CDC42BPB: variants seen among roughly 807,000 people sequenced by gnomAD.
CDC42BPB encodes serine/threonine-protein kinase MRCK beta.
In CDC42BPB, 37 loss-of-function variants were observed where a neutral mutation model predicts 214.9. The observed-to-expected ratio is 0.17, with a 90% CI of 0.13 to 0.23. The LOEUF (loss-of-function observed/expected upper bound fraction) is 0.23. Among genes scored for constraint, CDC42BPB ranks in the 10% least tolerant of loss-of-function variants. The probability of loss-of-function intolerance (pLI) is 1.00; values close to 1 mark genes in which losing one functional copy is unlikely to be tolerated. For missense variants in CDC42BPB, 1,694 were observed against 2,227.0 expected, an observed-to-expected ratio of 0.76 and a Z score of 4.82; for synonymous variants, 931 against 884.0, an observed-to-expected ratio of 1.05 and a Z score of -0.94.
At chr14:103,015,382 G>A (rs2139652801) in intron 1 of CDC42BPB, among the ~76,000 whole-genome samples, 1 of 152,220 alleles carries the variant, frequency 6.6e-6, no homozygotes, top group East Asian at 1.9e-4. Flanking sequence ...AGCTACTCAG[G>A]AGGCTGAGGC....
intron 1 of CDC42BPB, among the ~76,000 whole-genome samples, chr14:103,039,359 T>C (rs1410083660): frequency 6.9e-6 from 1 of 145,900 alleles, no homozygotes; most frequent in African/African-American, 2.5e-5. Flanking sequence ...TATGAATAGA[T>C]GCCAAAATCT....
chr14:103,026,929 C>T (rs1721184468), intron 1 of CDC42BPB, among the ~76,000 whole-genome samples: 1 of 151,180 alleles, frequency 6.6e-6, no homozygotes, highest in South Asian at 2.1e-4. Context: ...TCTGAAATCA[C>T]ATATCTGATA....
rs373876341 is a variant in CDC42BPB at position 102,945,646 on chromosome 14, C to A, written c.3811+16G>T. 1.2e-6 allele frequency: 2 copies of A among 1,611,168 alleles called. No homozygotes were observed. Among genetic ancestry groups the A allele is most frequent in the Non-Finnish European group, 8.5e-7 (1 of 1,178,578 alleles). ...GGCCTGTGACATCCCAGGCTGGAAA[C>A]GCCCTGCTCACTCACCATCTCGGGT... On this transcript the variant is annotated intron_variant, in intron 29 of 36. Transcript: ENST00000361246.
At position 102,975,887 on chromosome 14, in the gene CDC42BPB, C is replaced by T; in HGVS notation, c.1383G>A (p.Leu461=). The part of the protein sequence containing the change: ...EQEKLELSRK[L]QESTQTVQSL... ...CGGAGCCGGCGCTGCCCTCACCTTG[C>T]AGCTTCCTGCTCAGCTCCAGCTTCT... Residue 461 remains leucine (L), a synonymous_variant, in exon 10 of 37, where the codon CTG becomes CTA. Transcript: ENST00000361246. 5.0e-6 allele frequency: 8 copies of T among 1,614,152 alleles called. No individual in the cohort carries two copies. The highest frequency in any genetic ancestry group is 6.8e-6 in the Non-Finnish European group (8 of 1,180,014).
chr14:102,955,116 TAGCAGCCTTAAGATCAATTAGCCAGGCC>T (rs1892655864), intron 21 of CDC42BPB, among the ~76,000 whole-genome samples: 1 of 152,174 alleles, frequency 6.6e-6, no homozygotes, highest in Non-Finnish European at 1.5e-5. Flanking sequence ...TATCTAAGCC[TAGCAGCCTTAAGATCAATTAGCCAGGCC>T]AGGCACGGTG....
chr14:102,961,386 G>A (rs1892952652), intron 20 of CDC42BPB, among the ~76,000 whole-genome samples: 2 of 151,664 alleles, frequency 1.3e-5, no homozygotes. Flanking sequence ...CCAGGCTGGA[G>A]TGCAGTGGCG....
At chr14:103,016,479 G>GAGGGGAGGGAACCAGGTA (rs1566905508) in intron 1 of CDC42BPB, among the ~76,000 whole-genome samples, 1 of 146,610 alleles carries the variant, frequency 6.8e-6, no homozygotes, top group Non-Finnish European at 1.5e-5. Flanking sequence ...TGAAGCAGGT[G>GAGGGGAGGGAACCAGGTA]AGGGGAGGGA....
chr14:102,993,414 C>T (rs1402918033), intron 5 of CDC42BPB, among the ~76,000 whole-genome samples: 1 of 152,192 alleles, frequency 6.6e-6, no homozygotes, highest in African/African-American at 2.4e-5. Context: ...CGTCTATTAA[C>T]AGCACTTTTG....
At chr14:103,007,895 G>A (rs548775714) in intron 3 of CDC42BPB, among the ~76,000 whole-genome samples, 30 of 152,320 alleles carry the variant, frequency 2.0e-4, no homozygotes, top group Non-Finnish European at 4.1e-4. Flanking sequence ...GGCCAGAGAG[G>A]AAAAGCGTGG....
rs1157623182 is a variant in CDC42BPB, at chr14:102,938,330, G to A, written c.4909C>T (p.Pro1637Ser). The A allele has an allele frequency of 5.6e-6, 9 of 1,606,714 alleles. No homozygotes were observed. Among genetic ancestry groups the A allele is most frequent in the East Asian group, 2.2e-5 (1 of 44,766 alleles). The change falls in exon 35 of 37, where the codon CCC becomes TCC. Residue 1637 changes from proline to serine, a missense_variant. By Grantham distance (74) the Pro-to-Ser change is moderately conservative. Coordinates refer to ENST00000361246, the MANE Select transcript of CDC42BPB (RefSeq NM_006035.4). ...LARQPPSRNKPYISWPSSGGS... is the reference protein window; with the variant it reads ...LARQPPSRNKSYISWPSSGGS... The stretch of plus-strand genomic sequence containing the variant: ...CCTGATGAGGGCCACGAGATGTAGG[G>A]CTTGTTCCTGGATGGAGGCTGGCGA...
chr14:103,036,158 T>C (rs899651787), intron 1 of CDC42BPB, among the ~76,000 whole-genome samples: 23 of 149,786 alleles, frequency 1.5e-4, no homozygotes, highest in Admixed American at 1.5e-3. Flanking sequence ...ATATTCTTTT[T>C]TTTTTTTTTT....
At chr14:102,974,647 A>G (rs1233654309) in intron 11 of CDC42BPB, among the ~76,000 whole-genome samples, 1 of 152,224 alleles carries the variant, frequency 6.6e-6, no homozygotes, top group African/African-American at 2.4e-5. Context: ...AACCTGTGTG[A>G]GGTTAAGGCT....
chr14:102,983,709 C>T lies in CDC42BPB; in HGVS notation c.738G>A (p.Glu246=). 6.2e-7 allele frequency: 1 copy of T among 1,613,872 alleles called. No homozygotes were observed. Residue 246 remains glutamate (E), a synonymous_variant, in exon 7 of 37, where the codon GAG becomes GAA. Transcript: ENST00000361246. ...AVGTPDYISP[E]ILQAMEDGMG... is the part of the protein sequence containing the mutation. ...TGCCGTCCTCCATCGCCTGCAGGATCTCCGGCGAGATGTAGTCAGGTGTGC... is the reference window on the plus strand; with the variant it reads ...TGCCGTCCTCCATCGCCTGCAGGATTTCCGGCGAGATGTAGTCAGGTGTGC...
At chr14:102,977,345 A>AC (rs1893798811) in intron 9 of CDC42BPB, among the ~76,000 whole-genome samples, 1 of 148,614 alleles carries the variant, frequency 6.7e-6, no homozygotes, top group South Asian at 2.1e-4. Flanking sequence ...TCTCCAAAAA[A>AC]AAAAAAAAAA....
intron 5 of CDC42BPB, among the ~76,000 whole-genome samples, chr14:102,999,237 C>T (rs34337051): frequency 6.7e-4 from 86 of 128,896 alleles, no homozygotes; most frequent in Non-Finnish European, 1.3e-3. Flanking sequence ...CAGAGGACCC[C>T]GGGGCCCACG....
chr14:103,039,017 G>C (rs1566921043), intron 1 of CDC42BPB, among the ~76,000 whole-genome samples: 1 of 152,138 alleles, frequency 6.6e-6, no homozygotes, highest in East Asian at 1.9e-4. Context: ...CAACAAATTA[G>C]ATAATCTAGG....
rs115939905 is a variant in CDC42BPB at position 103,051,993 on chromosome 14, C to T, written c.175+5006G>A. 7.8e-4 allele frequency among the ~76,000 whole-genome samples: 119 copies of T among 152,246 alleles called. 1 individual carries two copies. The highest frequency in any genetic ancestry group is 2.8e-3 in the African/African-American group (116 of 41,542). ...CCCAAGTAGGTGGGACTATGCGTGC[C>T]ACCACACCCGGCTAATTTTTGTATT... On this transcript the variant is annotated intron_variant, in intron 1 of 36. Coordinates refer to ENST00000361246, the MANE Select transcript of CDC42BPB (RefSeq NM_006035.4).
chr14:102,945,061 C>T (rs1306708715), intron 29 of CDC42BPB: 7 of 331,734 alleles, frequency 2.1e-5, no homozygotes, highest in Non-Finnish European at 4.2e-5. Flanking sequence ...TTGCTCAGAT[C>T]TCCCCACAGA....
chr14:103,002,003 G>A (rs1895009390), intron 4 of CDC42BPB, among the ~76,000 whole-genome samples: 1 of 152,246 alleles, frequency 6.6e-6, no homozygotes, highest in Non-Finnish European at 1.5e-5. Flanking sequence ...AACGCGGGGT[G>A]CTGAGTTAAG....
Sources: allele counts gnomAD v4.1 joint callset (sites outside exome capture counted in the v4.1 genomes callset), GRCh38; gene constraint gnomAD v4.1.1; transcripts MANE v1.5; gene names NCBI Gene and HGNC (gene_info 2026-07-23, HGNC 2026-07-21).